BOC: variants seen among roughly 807,000 people sequenced by gnomAD.
The protein encoded by BOC is BOC cell adhesion associated, oncogene regulated, also known as brother of CDO.
A neutral mutation model predicts 112.0 loss-of-function variants in BOC; 76 were observed. That is an observed-to-expected ratio of 0.68 (90% CI 0.56 to 0.82). BOC has a LOEUF of 0.82. Ranked by LOEUF, BOC falls within the 40% of genes least tolerant of loss-of-function variation. The pLI is 0.00. For missense variants in BOC, 1,309 were observed against 1,511.7 expected (o/e 0.87, Z 2.22); for synonymous variants, 580 against 599.8 (o/e 0.97, Z 0.48).
intron 2 of BOC, among the ~76,000 whole-genome samples, chr3:113,236,915 A>C (rs951596665): frequency 6.6e-6 from 1 of 152,238 alleles, no homozygotes. Flanking sequence ...ACTTTTTTAA[A>C]TAGCTCATCA....
intron 4 of BOC, among the ~76,000 whole-genome samples, chr3:113,255,474 A>G (rs1016410630): frequency 1.3e-5 from 2 of 151,982 alleles, no homozygotes; most frequent in Non-Finnish European, 2.9e-5. Context: ...TTTATTTTTA[A>G]CTTTTAAGAT....
At chr3:113,250,095 T>A (rs1285774013) in intron 3 of BOC, among the ~76,000 whole-genome samples, 196 bp downstream of exon 3, 1 of 152,046 alleles carries the variant, frequency 6.6e-6, no homozygotes, top group African/African-American at 2.4e-5. Context: ...GGTATTTGAC[T>A]CATTTCAAAG....
rs1949474483 is a variant in BOC, at chr3:113,284,343, A to G, written c.2665A>G (p.Thr889Ala). Residue 889 changes from threonine (T) to alanine (A), a missense_variant, in exon 17 of 20, where the codon ACA (threonine) becomes GCA (alanine). By Grantham distance (58) the Thr-to-Ala change is moderately conservative. Transcript: ENST00000682979. ...WRAWSKQKHTTDLGFPRSALP... is the reference protein window; with the variant it reads ...WRAWSKQKHTADLGFPRSALP... ...TTTTTCTGTCCTTCCAGAACATACA[A>G]CAGACCTGGGTTTTCCTCGAAGTGC... 2.5e-6 allele frequency: 4 copies of G among 1,613,902 alleles called. No individual in the cohort carries two copies. Among genetic ancestry groups the G allele is most frequent in the Non-Finnish European group, 3.4e-6 (4 of 1,179,822 alleles).
At chr3:113,277,350 GAGTT>G in intron 9 of BOC, among the ~76,000 whole-genome samples, 1 of 152,332 alleles carries the variant, frequency 6.6e-6, no homozygotes, top group South Asian at 2.1e-4. Context: ...AAGGGTCAGA[GAGTT>G]AGGGGACTTG....
In BOC at chr3:113,281,066, C is replaced by G; in HGVS notation, c.2347C>G (p.Pro783Ala). The G allele has an allele frequency of 6.2e-7, 1 of 1,614,080 alleles. No homozygotes were observed. The highest frequency in any genetic ancestry group is 8.5e-7 in the Non-Finnish European group (1 of 1,180,018). ...CTGGCACTCCATCAGCCACCTGCAGCCAGAGACCTCCTACGACATTAAGAT... is the reference window on the plus strand; with the variant it reads ...CTGGCACTCCATCAGCCACCTGCAGGCAGAGACCTCCTACGACATTAAGAT... ...KYWHSISHLQ[P>A]ETSYDIKMQC... is the part of the protein sequence containing the mutation. The change falls in exon 15 of 20, where the codon CCA (proline) becomes GCA (alanine). Residue 783 changes from proline to alanine, a missense_variant. Physicochemically the swap from Pro to Ala is conservative, Grantham distance 27. Transcript: ENST00000682979.
intron 4 of BOC, among the ~76,000 whole-genome samples, chr3:113,256,034 A>C (rs989575139): frequency 6.6e-6 from 1 of 152,188 alleles, no homozygotes; most frequent in Non-Finnish European, 1.5e-5. Flanking sequence ...TAATTACATC[A>C]CCAGTCTCAT....
chr3:113,224,025 T>C (rs1162925344), intron 2 of BOC, among the ~76,000 whole-genome samples: 1 of 152,232 alleles, frequency 6.6e-6, no homozygotes, highest in African/African-American at 2.4e-5. Context: ...ATCCCGTCCC[T>C]AAACAGAAAG....
chr3:113,244,444 G>A (rs367625398), intron 2 of BOC, among the ~76,000 whole-genome samples: 4 of 152,110 alleles, frequency 2.6e-5, no homozygotes, highest in African/African-American at 4.8e-5. Context: ...ACATCAAACC[G>A]TTGTTTTTTT....
chr3:113,256,755 A>ATGTG (rs142653702), intron 4 of BOC, among the ~76,000 whole-genome samples: 24 of 151,198 alleles, frequency 1.6e-4, no homozygotes, highest in African/African-American at 2.7e-4. Flanking sequence ...TAATACATAT[A>ATGTG]TGTGTGTGTG....
At chr3:113,229,617 A>T (rs1317020124) in intron 2 of BOC, among the ~76,000 whole-genome samples, 1 of 152,256 alleles carries the variant, frequency 6.6e-6, no homozygotes, top group African/African-American at 2.4e-5. Context: ...AAAATGAAGA[A>T]TCTGAAAATC....
chr3:113,251,172 G>A (rs1471663417), intron 4 of BOC: 2 of 546,298 alleles, frequency 3.7e-6, no homozygotes, highest in African/African-American at 3.8e-5. Flanking sequence ...TCCTGTGGCT[G>A]TAGGTGCACT....
intron 4 of BOC, among the ~76,000 whole-genome samples, chr3:113,265,359 A>G (rs888444458): frequency 7.0e-6 from 1 of 142,740 alleles, no homozygotes; most frequent in East Asian, 2.0e-4. Flanking sequence ...AAGGAGGAGG[A>G]AAAAAAAAAA....
At chr3:113,213,412 T>G (rs764133003) in intron 1 of BOC, among the ~76,000 whole-genome samples, 1 of 152,232 alleles carries the variant, frequency 6.6e-6, no homozygotes, top group Non-Finnish European at 1.5e-5. Context: ...CATTTCTGAT[T>G]TATTCCACGA....
At chr3:113,211,005 C>G (rs1938081984), upstream of BOC, 1 of 152,222 alleles carries the variant, frequency 6.6e-6, no homozygotes, top group Non-Finnish European at 1.5e-5. Flanking sequence ...CCCTCCCCAA[C>G]CGACCGAGGG....
intron 2 of BOC, among the ~76,000 whole-genome samples, chr3:113,216,796 G>A (rs1939469377): frequency 6.6e-6 from 1 of 152,122 alleles, no homozygotes; most frequent in Non-Finnish European, 1.5e-5. Flanking sequence ...CAGGATTATT[G>A]GGCAGTAAGA....
chr3:113,235,832 C>G (rs556442612), intron 2 of BOC, among the ~76,000 whole-genome samples: 1 of 152,016 alleles, frequency 6.6e-6, no homozygotes, highest in African/African-American at 2.4e-5. Flanking sequence ...GTGTAGGGTA[C>G]GAGAATCAGC....
intron 3 of BOC, 116 bp downstream of exon 3, chr3:113,250,015 C>T (rs534410168): frequency 6.2e-5 from 52 of 837,758 alleles, no homozygotes; most frequent in Admixed American, 4.7e-4. Context: ...ACTTTATTCC[C>T]ATTGGCCTTC....
chr3:113,279,684 T>C, intron 12 of BOC, 140 bp from the exon 13 acceptor site: 1 of 905,514 alleles, frequency 1.1e-6, no homozygotes, highest in Non-Finnish European at 1.6e-6. Context: ...CAGTGGCGGG[T>C]GTTCTTGTGA....
At chr3:113,273,940 A>G (rs553728008) in intron 8 of BOC, among the ~76,000 whole-genome samples, 40 of 152,304 alleles carry the variant, frequency 2.6e-4, no homozygotes, top group African/African-American at 9.1e-4. Context: ...GGACATTCCC[A>G]GTTGCGTTCA....
Sources: gnomAD v4.1 joint callset for allele counts (sites outside exome capture counted in the v4.1 genomes callset) on GRCh38, gnomAD v4.1.1 for gene constraint, MANE v1.5 for transcripts, NCBI Gene and HGNC (gene_info 2026-07-23, HGNC 2026-07-21) for gene names.